The following CTNNA1 variants were observed in gnomAD, a reference collection of about 807,000 sequenced individuals.
The protein encoded by CTNNA1 is catenin alpha 1, also known as catenin alpha-1.
In CTNNA1, 37 loss-of-function variants were observed where a neutral mutation model predicts 98.4. The observed-to-expected ratio is 0.38, with a 90% CI of 0.29 to 0.49. The LOEUF is 0.49. Ranked by LOEUF, CTNNA1 falls within the 20% of genes least tolerant of loss-of-function variation. The probability of loss-of-function intolerance (pLI) is 0.95; values close to 1 mark genes in which losing one functional copy is unlikely to be tolerated. For missense variants in CTNNA1, 761 were observed against 1,147.2 expected (o/e 0.66, Z 4.86); for synonymous variants, 404 against 413.2 (o/e 0.98, Z 0.27).
intron 1 of CTNNA1, among the ~76,000 whole-genome samples, chr5:138,759,980 C>CTTTTTTTTTTTTTTT (rs70982734): frequency 1.6e-5 from 1 of 61,244 alleles, no homozygotes; most frequent in Admixed American, 2.0e-4. Flanking sequence ...AATTTCTTTC[C>CTTTTTTTTTTTTTTT]TTTTTTTTTT....
chr5:138,866,646 A>G (rs539595376), intron 7 of CTNNA1, among the ~76,000 whole-genome samples: 2 of 152,130 alleles, frequency 1.3e-5, no homozygotes, highest in Admixed American at 1.3e-4. Flanking sequence ...TTCAGCCTCC[A>G]TATATAGAGG....
chr5:138,794,986 C>T (rs1441102557), intron 3 of CTNNA1, among the ~76,000 whole-genome samples: 2 of 149,138 alleles, frequency 1.3e-5, no homozygotes, highest in South Asian at 2.1e-4. Flanking sequence ...TCTGTCTCTA[C>T]TGAAAATACA....
chr5:138,801,611 A>G (rs184742212), intron 3 of CTNNA1, among the ~76,000 whole-genome samples: 104 of 152,356 alleles, frequency 6.8e-4, no homozygotes, highest in South Asian at 3.5e-3. Flanking sequence ...GATGTGCATC[A>G]TGACCAGTCA....
chr5:138,850,277 A>T (rs1365325417), intron 7 of CTNNA1, among the ~76,000 whole-genome samples: 1 of 148,588 alleles, frequency 6.7e-6, no homozygotes, highest in Admixed American at 6.6e-5. Flanking sequence ...TTAATCCTGG[A>T]TGCCTCTATT....
intron 2 of CTNNA1, among the ~76,000 whole-genome samples, chr5:138,782,673 C>T (rs931416328): frequency 5.9e-5 from 9 of 152,222 alleles, no homozygotes; most frequent in African/African-American, 2.2e-4. Context: ...AGCGTCATCA[C>T]TGTAGGCTTC....
chr5:138,762,004 C>T (rs975547641), intron 1 of CTNNA1: 1 of 152,254 alleles, frequency 6.6e-6, no homozygotes, highest in African/African-American at 2.4e-5. Flanking sequence ...GATCCACCTG[C>T]CTTGGCCTCC....
intron 7 of CTNNA1, among the ~76,000 whole-genome samples, chr5:138,845,055 G>C (rs1762591037): frequency 1.3e-5 from 2 of 152,122 alleles, no homozygotes; most frequent in Admixed American, 6.5e-5. Flanking sequence ...ACTGCCGAAG[G>C]AGCCAGGACT....
intron 7 of CTNNA1, among the ~76,000 whole-genome samples, chr5:138,864,546 A>G (rs138039503): frequency 5.9e-5 from 9 of 152,322 alleles, no homozygotes; most frequent in African/African-American, 1.9e-4. Context: ...GGAGGGGACT[A>G]TGATCATCCT....
chr5:138,822,870 A>G (rs138589216), intron 5 of CTNNA1, among the ~76,000 whole-genome samples: 1 of 152,340 alleles, frequency 6.6e-6, no homozygotes, highest in Non-Finnish European at 1.5e-5. Flanking sequence ...AGTTTCAGAA[A>G]AAGGAAGCCA....
At chr5:138,911,875 G>A (rs557426936) in intron 10 of CTNNA1, among the ~76,000 whole-genome samples, 8 of 152,354 alleles carry the variant, frequency 5.3e-5, no homozygotes, top group African/African-American at 1.9e-4. Flanking sequence ...TTTACTGAAG[G>A]ATTAGATGTG....
At chr5:138,778,972 A>G (rs1754730694) in intron 1 of CTNNA1, among the ~76,000 whole-genome samples, 1 of 151,886 alleles carries the variant, frequency 6.6e-6, no homozygotes, top group African/African-American at 2.4e-5. Flanking sequence ...TCTGCCTCCC[A>G]GGTTCCAGCG....
intron 10 of CTNNA1, 55 bp from the exon 11 acceptor site, chr5:138,917,687 G>T: frequency 1.3e-6 from 2 of 1,584,522 alleles, no homozygotes; most frequent in South Asian, 2.3e-5. Flanking sequence ...ATGCATGTAA[G>T]ACAAAGCCAT....
In CTNNA1 at chr5:138,933,396, C is replaced by T. The variant is rs554113246; in HGVS notation, c.2434-406C>T. Among the ~76,000 whole-genome samples the T allele has an allele frequency of 2.6e-5, 4 of 152,282 alleles. No homozygotes were observed. The South Asian group carries it at 6.2e-4, about 24-fold the overall frequency. On this transcript the variant is annotated intron_variant, in intron 17 of 17. Coordinates refer to ENST00000302763, the MANE Select transcript of CTNNA1 (RefSeq NM_001903.5). The stretch of plus-strand genomic sequence containing the variant: ...CACTGAATTTCCTTTAAAAGAAACA[C>T]TTCTTATATTGAACATATTGAGACC...
Position 138,873,816 on chromosome 5 carries a change from C to G in CTNNA1, c.1063-12396C>G. 1.9e-6 allele frequency: 3 copies of G among 1,614,038 alleles called. No individual in the cohort carries two copies. The highest frequency in any genetic ancestry group is 2.5e-6 in the Non-Finnish European group (3 of 1,179,896). Reference sequence around the variant, plus strand: ...TTTTCTAAAGTGCCCCAGGTCCACTCCATCCCACATGTCAAGTTGCTGATT... The same window carrying G: ...TTTTCTAAAGTGCCCCAGGTCCACTGCATCCCACATGTCAAGTTGCTGATT... On this transcript the variant is annotated intron_variant, in intron 7 of 17. Transcript: ENST00000302763. This position sits in a 1 kb window ranked among gnomAD's most constrained non-coding sequence, Gnocchi z 6.1.
chr5:138,900,292 C>G (rs1331089910), intron 9 of CTNNA1, among the ~76,000 whole-genome samples: 1 of 152,220 alleles, frequency 6.6e-6, no homozygotes, highest in Non-Finnish European at 1.5e-5. Context: ...TGGGCTGCTG[C>G]TGCGTTGGTG....
intron 9 of CTNNA1, among the ~76,000 whole-genome samples, chr5:138,901,119 TTTCTC>T (rs1015105352): frequency 2.6e-5 from 4 of 152,130 alleles, no homozygotes; most frequent in Non-Finnish European, 4.4e-5. Flanking sequence ...GTGTTTTTCT[TTTCTC>T]TTCTCTTCTC....
chr5:138,908,103 A>G (rs1759691415), intron 10 of CTNNA1, among the ~76,000 whole-genome samples: 1 of 151,838 alleles, frequency 6.6e-6, no homozygotes, highest in Non-Finnish European at 1.5e-5. Context: ...CCAGCCTCCC[A>G]AGTAGCCAGG....
chr5:138,845,905 G>A (rs1762677280), intron 7 of CTNNA1, among the ~76,000 whole-genome samples: 1 of 151,444 alleles, frequency 6.6e-6, no homozygotes, highest in African/African-American at 2.4e-5. Flanking sequence ...GATAGCTAAA[G>A]GGTACAGGTT....
chr5:138,804,380 G>C (rs913190135), intron 3 of CTNNA1, among the ~76,000 whole-genome samples: 98 of 151,800 alleles, frequency 6.5e-4, no homozygotes, highest in African/African-American at 2.3e-3. Flanking sequence ...TATATTATTA[G>C]GTTGTGCAGC....
Sources: allele counts gnomAD v4.1 joint callset (sites outside exome capture counted in the v4.1 genomes callset), GRCh38; gene constraint gnomAD v4.1.1; non-coding constraint Gnocchi (gnomAD v3.1); transcripts MANE v1.5; gene names NCBI Gene and HGNC (gene_info 2026-07-23, HGNC 2026-07-21).